TBCK: variants seen among roughly 807,000 people sequenced by gnomAD.
TBCK encodes the protein TBC domain-containing protein kinase-like protein.
A neutral mutation model predicts 113.4 loss-of-function variants in TBCK; 99 were observed. The observed-to-expected ratio is 0.87, with a 90% CI of 0.74 to 1.03. TBCK has a LOEUF of 1.03. Among genes scored for constraint, TBCK ranks in the 50% least tolerant of loss-of-function variants. The pLI is 0.00. For synonymous variants in TBCK, 369 were observed against 370.8 expected, an observed-to-expected ratio of 1.00 and a Z score of 0.05; for missense variants, 1,045 against 1,061.3, an observed-to-expected ratio of 0.98 and a Z score of 0.21.
chr4:106,179,187 A>G (rs1378046468), intron 22 of TBCK, among the ~76,000 whole-genome samples: 1 of 152,008 alleles, frequency 6.6e-6, no homozygotes. Context: ...AATCTTTTCA[A>G]AAACCAACTT....
intron 5 of TBCK, among the ~76,000 whole-genome samples, chr4:106,252,358 A>C (rs904890537): frequency 6.6e-6 from 1 of 151,628 alleles, no homozygotes; most frequent in African/African-American, 2.4e-5. Flanking sequence ...TTTAAAGTGC[A>C]TTTTATCTTT....
At position 106,166,159 on chromosome 4, in the gene TBCK, TATACTA is replaced by T. The variant is rs201875651; in HGVS notation, c.2235+4930_2235+4935del. 4.6e-5 allele frequency among the ~76,000 whole-genome samples: 7 copies of T among 151,822 alleles called. No individual in the cohort carries two copies. In the East Asian group the frequency reaches 1.2e-3, roughly 25 times the overall value. On this transcript the variant is annotated intron_variant, in intron 23 of 25. Coordinates refer to ENST00000394708, the MANE Select transcript of TBCK (RefSeq NM_001163435.3). Reference sequence around the variant, plus strand: ...CATTATTTTTGTATCTGCTTTCTATTATACTAATATATTTGAACCTTCAAATAAACA... The same window carrying T: ...CATTATTTTTGTATCTGCTTTCTATTATATATTTGAACCTTCAAATAAACA...
chr4:106,172,846 G>A (rs971136906), intron 22 of TBCK, among the ~76,000 whole-genome samples: 2 of 151,980 alleles, frequency 1.3e-5, no homozygotes, highest in Non-Finnish European at 2.9e-5. Context: ...GACAGGTATC[G>A]TAATTCTTCT....
At chr4:106,241,405 A>G (rs1207251586) in intron 12 of TBCK, among the ~76,000 whole-genome samples, 1 of 151,998 alleles carries the variant, frequency 6.6e-6, no homozygotes, top group African/African-American at 2.4e-5. Flanking sequence ...GATTATAAAA[A>G]TCAGCTAGTA....
chr4:106,237,768 T>C (rs1369506873), intron 12 of TBCK, among the ~76,000 whole-genome samples: 1 of 152,160 alleles, frequency 6.6e-6, no homozygotes, highest in African/African-American at 2.4e-5. Context: ...GGTATATCTT[T>C]CATATATTAA....
chr4:106,209,975 G>A (rs1204265152), intron 20 of TBCK, among the ~76,000 whole-genome samples: 1 of 151,892 alleles, frequency 6.6e-6, no homozygotes, highest in Non-Finnish European at 1.5e-5. Flanking sequence ...CCCTCCATTG[G>A]TTTAGAAGTT....
chr4:106,091,419 C>T (rs918737252), intron 25 of TBCK, among the ~76,000 whole-genome samples: 1 of 152,230 alleles, frequency 6.6e-6, no homozygotes, highest in African/African-American at 2.4e-5. Context: ...CTTGGTCTCA[C>T]TGACTTCAAG....
At chr4:106,239,285 T>C (rs1271395606) in intron 12 of TBCK, among the ~76,000 whole-genome samples, 1 of 152,024 alleles carries the variant, frequency 6.6e-6, no homozygotes, top group Admixed American at 6.6e-5. Context: ...AGAAGCCTTG[T>C]GAAGGTCACA....
At chr4:106,245,071 T>A (rs1579378021) in intron 10 of TBCK, among the ~76,000 whole-genome samples, 1 of 152,152 alleles carries the variant, frequency 6.6e-6, no homozygotes. Context: ...GAACAGACAT[T>A]CATGAGCAGT....
chr4:106,134,172 C>T (rs540473180), intron 23 of TBCK, among the ~76,000 whole-genome samples: 1 of 151,504 alleles, frequency 6.6e-6, no homozygotes, highest in Admixed American at 6.6e-5. Flanking sequence ...AAAAGTAAAA[C>T]TCTGAGATTT....
chr4:106,172,394 A>G (rs1270134065), intron 22 of TBCK, among the ~76,000 whole-genome samples: 1 of 152,144 alleles, frequency 6.6e-6, no homozygotes, highest in Admixed American at 6.6e-5. Context: ...ATGAGAAGTT[A>G]GCCAGTCCTC....
At chr4:106,084,175 A>T (rs1333370702) in intron 25 of TBCK, among the ~76,000 whole-genome samples, 1 of 152,216 alleles carries the variant, frequency 6.6e-6, no homozygotes, top group African/African-American at 2.4e-5. Flanking sequence ...AATGCAAAGA[A>T]GCTAAGAAGA....
At chr4:106,301,805 T>G (rs1579568490) in intron 2 of TBCK, among the ~76,000 whole-genome samples, 1 of 152,112 alleles carries the variant, frequency 6.6e-6, no homozygotes, top group African/African-American at 2.4e-5. Context: ...GATATCTGCA[T>G]AGCAAGAACA....
At chr4:106,165,633 T>C (rs977644049) in intron 23 of TBCK, among the ~76,000 whole-genome samples, 6 of 151,706 alleles carry the variant, frequency 4.0e-5, no homozygotes, top group African/African-American at 1.4e-4. Flanking sequence ...GTAAAAAAAA[T>C]TAACTGTTAA....
intron 2 of TBCK, among the ~76,000 whole-genome samples, chr4:106,299,552 T>C (rs971275629): frequency 2.0e-5 from 3 of 152,200 alleles, no homozygotes; most frequent in Non-Finnish European, 2.9e-5. Flanking sequence ...CTATTAAGCA[T>C]AGTTTTAATA....
intron 23 of TBCK, among the ~76,000 whole-genome samples, chr4:106,120,319 CCA>C (rs1243671672): frequency 6.6e-6 from 1 of 152,072 alleles, no homozygotes; most frequent in African/African-American, 2.4e-5. Flanking sequence ...GGTCTTACGC[CCA>C]CAGAGTCTCG....
chr4:106,184,420 G>A (rs944340190), intron 22 of TBCK, among the ~76,000 whole-genome samples: 2 of 151,816 alleles, frequency 1.3e-5, no homozygotes, highest in Non-Finnish European at 2.9e-5. Flanking sequence ...CCAGGACAAG[G>A]GAGTAATACC....
intron 3 of TBCK, among the ~76,000 whole-genome samples, chr4:106,269,127 T>G (rs949056272): frequency 2.0e-5 from 3 of 152,258 alleles, no homozygotes; most frequent in African/African-American, 4.8e-5. Context: ...TGAATTAAAA[T>G]GTTAAGAGAG....
chr4:106,244,831 G>A, intron 10 of TBCK, 67 bp from the exon 11 acceptor site: 1 of 932,858 alleles, frequency 1.1e-6, no homozygotes, highest in Non-Finnish European at 1.6e-6. Flanking sequence ...TCAACAGGCA[G>A]TAATAGCTGC....
Sources: allele counts gnomAD v4.1 joint callset (sites outside exome capture counted in the v4.1 genomes callset), GRCh38; gene constraint gnomAD v4.1.1; transcripts MANE v1.5; gene names NCBI Gene and HGNC (gene_info 2026-07-23, HGNC 2026-07-21).